Variants in DOCK5 observed in about 807,000 individuals in gnomAD.
The protein encoded by DOCK5 is dedicator of cytokinesis protein 5.
Under a neutral mutation model 251.8 loss-of-function variants are expected in DOCK5, and 142 were observed. That is an observed-to-expected ratio of 0.56 (90% confidence interval 0.49 to 0.65). DOCK5 has a LOEUF of 0.65. DOCK5 is among the 30% of genes least tolerant of loss of function. The pLI is 0.00. For synonymous variants in DOCK5, 842 were observed against 835.5 expected (o/e 1.01, Z -0.13); for missense variants, 2,111 against 2,312.3 (o/e 0.91, Z 1.79).
intron 34 of DOCK5, among the ~76,000 whole-genome samples, chr8:25,372,356 G>C (rs774154671): frequency 6.6e-5 from 10 of 152,226 alleles, no homozygotes; most frequent in Non-Finnish European, 1.2e-4. Context: ...AAGAAGCGCA[G>C]CATAAGTGAA....
rs1274704969 is a variant in DOCK5, at chr8:25,211,977, G to A, written c.43+27026G>A. On this transcript the variant is annotated intron_variant, in intron 1 of 51. Transcript: ENST00000276440. ...AGATCGACACCATATTGGCTAACACGGTGAATCCCTGTCTATACTGAAAAT... is the reference window on the plus strand; with the variant it reads ...AGATCGACACCATATTGGCTAACACAGTGAATCCCTGTCTATACTGAAAAT... Among the ~76,000 whole-genome samples, 4 of 67,426 alleles carry A rather than the reference G, an allele frequency of 5.9e-5. 2 individuals are homozygous for A. Among genetic ancestry groups the A allele is most frequent in the Non-Finnish European group, 9.6e-5 (2 of 20,932 alleles). 44.2% of individuals were successfully genotyped at this position (67,426 alleles called of 152,430 possible). A position where few individuals can be genotyped will look rare whatever the true frequency, so the allele number is the denominator to read the frequency against.
chr8:25,320,057 C>A (rs1425093291), intron 15 of DOCK5, among the ~76,000 whole-genome samples: 1 of 152,176 alleles, frequency 6.6e-6, no homozygotes, highest in Non-Finnish European at 1.5e-5. Flanking sequence ...TTCCAAAGTG[C>A]TTTTCAGATC....
intron 14 of DOCK5, among the ~76,000 whole-genome samples, chr8:25,319,220 T>C (rs571227637): frequency 6.6e-6 from 1 of 152,286 alleles, no homozygotes; most frequent in African/African-American, 2.4e-5. Flanking sequence ...TAGCGGCGCG[T>C]CTGCAGTTGT....
Position 25,257,656 on chromosome 8 carries a change from G to A in DOCK5, c.128-11189G>A, listed in dbSNP as rs541629045. 4.1e-4 allele frequency among the ~76,000 whole-genome samples: 62 copies of A among 152,202 alleles called. 1 individual carries two copies. Among genetic ancestry groups the A allele is most frequent in the African/African-American group, 1.4e-3 (58 of 41,540 alleles). ...CACAAACTTGCCACTCTTACCCAGT[G>A]GTCTCGTTGCTGTCCTGGAGGGAGA... On this transcript the variant is annotated intron_variant, in intron 2 of 51. Transcript: ENST00000276440.
At chr8:25,313,494 TG>T (rs775020031) in intron 13 of DOCK5, among the ~76,000 whole-genome samples, 11 of 152,236 alleles carry the variant, frequency 7.2e-5, no homozygotes, top group Non-Finnish European at 1.2e-4. Context: ...AGAACCCCTT[TG>T]CCACCTTCTC....
rs575872067 is a variant in DOCK5, at chr8:25,241,234, T to C, written c.44-2440T>C. On this transcript the variant is annotated intron_variant, in intron 1 of 51. Coordinates refer to ENST00000276440, the MANE Select transcript of DOCK5 (RefSeq NM_024940.8). ...GCTCACGCCTGTAATCCCAGCACTT[T>C]GGGAGGCTGAGGCGGGTGGATCACG... Among the ~76,000 whole-genome samples the C allele has an allele frequency of 1.7e-3, 255 of 152,234 alleles. 1 individual carries two copies. Among genetic ancestry groups the C allele is most frequent in the African/African-American group, 5.9e-3 (244 of 41,534 alleles).
intron 2 of DOCK5, among the ~76,000 whole-genome samples, chr8:25,262,843 C>T (rs1042283724): frequency 2.1e-4 from 32 of 150,584 alleles, no homozygotes; most frequent in African/African-American, 5.6e-4. Context: ...TTTTTGAGAC[C>T]GAGTCTGGCT....
At chr8:25,375,639 C>T in intron 37 of DOCK5, 1 of 966,636 alleles carries the variant, frequency 1.0e-6, no homozygotes, top group Non-Finnish European at 1.2e-6. Flanking sequence ...GTCTCTGCCT[C>T]CAGTTTTGTT....
At chr8:25,407,871 A>C in intron 48 of DOCK5, 112 bp from the exon 49 acceptor site, 1 of 810,086 alleles carries the variant, frequency 1.2e-6, no homozygotes, top group Non-Finnish European at 1.6e-6. Context: ...TCTCAAAAAA[A>C]AAAAAAAAAA....
At position 25,367,606 on chromosome 8, in the gene DOCK5, G is replaced by A. The variant is rs558961233; in HGVS notation, c.3225-586G>A. ...GCGATATGTAGGAAAATTATTTAGT[G>A]TCCCTCTACTTCTGGTTCCTCCCTC... On this transcript the variant is annotated intron_variant, in intron 31 of 51. Transcript: ENST00000276440. Among the ~76,000 whole-genome samples, 204 of 152,276 alleles carry A rather than the reference G, an allele frequency of 1.3e-3. 1 individual carries two copies. The highest frequency in any genetic ancestry group is 4.7e-3 in the African/African-American group (194 of 41,552).
At chr8:25,189,132 C>A (rs547871731) in intron 1 of DOCK5, among the ~76,000 whole-genome samples, 28 of 150,822 alleles carry the variant, frequency 1.9e-4, no homozygotes, top group African/African-American at 6.8e-4. Flanking sequence ...TGCAACCTGC[C>A]ATCTCAGCCT....
Position 25,298,931 on chromosome 8 carries a change from C to T in DOCK5, c.607-13C>T, listed in dbSNP as rs757492303. The T allele has an allele frequency of 1.1e-5, 17 of 1,580,904 alleles. No homozygotes were observed. The highest frequency in any genetic ancestry group is 1.4e-5 in the African/African-American group (1 of 72,900). On this transcript the variant is annotated splice_polypyrimidine_tract_variant and intron_variant, in intron 7 of 51. Transcript: ENST00000276440. ...AAAATCAAGATGTTTTTCTCTGTTC[C>T]CTCTTTGTTCAGTCAATCCTGCAGA...
chr8:25,403,872 A>C, intron 48 of DOCK5, 148 bp downstream of exon 48: 1 of 876,942 alleles, frequency 1.1e-6, no homozygotes, highest in Non-Finnish European at 1.7e-6. Context: ...TAGCAGAATA[A>C]TAACAACAGT....
At chr8:25,252,748 G>A (rs760019285) in intron 2 of DOCK5, among the ~76,000 whole-genome samples, 16 of 152,020 alleles carry the variant, frequency 1.1e-4, no homozygotes, top group African/African-American at 2.7e-4. Flanking sequence ...GTCTTATCTC[G>A]GATTTAATCT....
intron 42 of DOCK5, among the ~76,000 whole-genome samples, chr8:25,391,467 C>A (rs1004043294): frequency 6.6e-6 from 1 of 151,880 alleles, no homozygotes; most frequent in Admixed American, 6.5e-5. Context: ...GAAACCCCAT[C>A]TGTACTAAAA....
At chr8:25,222,136 C>G (rs1365405515) in intron 1 of DOCK5, among the ~76,000 whole-genome samples, 6 of 152,214 alleles carry the variant, frequency 3.9e-5, no homozygotes, top group Admixed American at 3.9e-4. Context: ...TTTCTTCATG[C>G]TGGTCCACTC....
intron 1 of DOCK5, among the ~76,000 whole-genome samples, chr8:25,206,181 T>C (rs796559907): frequency 2.6e-5 from 4 of 152,260 alleles, no homozygotes; most frequent in African/African-American, 9.6e-5. Flanking sequence ...ACGCAGTTAT[T>C]TGTGGCAAGT....
At chr8:25,319,477 G>A in intron 14 of DOCK5, 101 bp from the exon 15 acceptor site, 1 of 706,010 alleles carries the variant, frequency 1.4e-6, no homozygotes, top group Non-Finnish European at 2.4e-6. Flanking sequence ...TAGGGCATGT[G>A]TGGACGTGTT....
At chr8:25,354,037 A>T (rs928836962) in intron 27 of DOCK5, among the ~76,000 whole-genome samples, 2 of 70,820 alleles carry the variant, frequency 2.8e-5, no homozygotes, top group Admixed American at 3.5e-4. Context: ...TAAAAAAAAA[A>T]AAAAAAAAAA....
Sources: allele counts gnomAD v4.1 joint callset (sites outside exome capture counted in the v4.1 genomes callset), GRCh38; gene constraint gnomAD v4.1.1; transcripts MANE v1.5; gene names NCBI Gene and HGNC (gene_info 2026-07-23, HGNC 2026-07-21).